GRIN2D: variants seen among roughly 807,000 people sequenced by gnomAD.
GRIN2D encodes the protein glutamate receptor ionotropic, NMDA 2D.
In GRIN2D, 37 loss-of-function variants were observed where a neutral mutation model predicts 103.2. The ratio of observed to expected loss-of-function variants is 0.36; its 90% CI spans 0.28 to 0.47. GRIN2D has a LOEUF of 0.47. GRIN2D is among the 20% of genes least tolerant of loss of function. The probability of loss-of-function intolerance (pLI) is 1.00; values close to 1 mark genes in which losing one functional copy is unlikely to be tolerated. For synonymous variants in GRIN2D, 845 were observed against 885.6 expected (o/e 0.95, Z 0.81); for missense variants, 1,557 against 1,910.6 (o/e 0.81, Z 3.45).
chr19:48,431,492 T>G (rs904443532), intron 11 of GRIN2D, among the ~76,000 whole-genome samples: 1 of 152,200 alleles, frequency 6.6e-6, no homozygotes, highest in African/African-American at 2.4e-5. Context: ...CCAAGATCAT[T>G]CTGATTCCTA....
chr19:48,425,634 A>G (rs1438035248), intron 11 of GRIN2D, among the ~76,000 whole-genome samples: 1 of 152,146 alleles, frequency 6.6e-6, no homozygotes, highest in Non-Finnish European at 1.5e-5. Context: ...ATCTCTCAAA[A>G]TGAACCTAAA....
intron 3 of GRIN2D, 134 bp from the exon 4 acceptor site, chr19:48,404,600 A>AG (rs1970759521): frequency 6.2e-6 from 5 of 804,888 alleles, no homozygotes; most frequent in Non-Finnish European, 9.6e-6. Flanking sequence ...CCTGTGCCCC[A>AG]GGAGGAAAAG....
Position 48,438,287 on chromosome 19 carries a change from C to CTTTTTTTTTTTTTTTTTT in GRIN2D, c.2253-3470_2253-3453dup, listed in dbSNP as rs71181697. On this transcript the variant is annotated intron_variant, in intron 11 of 13. Transcript: ENST00000263269. The stretch of plus-strand genomic sequence containing the variant: ...TCTCTTCAACTCAGCATCCAGCCGC[C>CTTTTTTTTTTTTTTTTTT]TTTTTTTTTTTTTTTTTTTTTTTTT... Among the ~76,000 whole-genome samples, 13 of 57,754 alleles carry CTTTTTTTTTTTTTTTTTT rather than the reference C, an allele frequency of 2.3e-4. 2 individuals carry two copies. The highest frequency in any genetic ancestry group is 5.3e-4 in the African/African-American group (7 of 13,224). The allele number at this position is 57,754 out of a possible 152,430, so 37.9% of individuals were successfully genotyped here.
chr19:48,414,732 T>A lies in GRIN2D; in HGVS notation c.1413-132T>A, dbSNP rs536737699. 6.2e-6 allele frequency: 8 copies of A among 1,280,896 alleles called. No individual in the cohort carries two copies. The South Asian group carries it at 7.0e-5, about 11-fold the overall frequency. 79.3% of individuals were successfully genotyped at this position (1,280,896 alleles called of 1,614,324 possible). On this transcript the variant is annotated intron_variant, in intron 6 of 13. Coordinates refer to ENST00000263269, the MANE Select transcript of GRIN2D (RefSeq NM_000836.4). The surrounding 1 kb of genome is among the most constrained non-coding windows in gnomAD (Gnocchi z 4.6). ...ACCTTAGGCAAACCTCAGAATTCTT[T>A]GAGCCTGAGTTTCCCCTGAAAGCGC... is the stretch of plus-strand genomic sequence containing the variant.
At chr19:48,420,758 G>A (rs1030131373) in intron 10 of GRIN2D, among the ~76,000 whole-genome samples, 3 of 152,066 alleles carry the variant, frequency 2.0e-5, no homozygotes, top group African/African-American at 7.2e-5. Context: ...CCCGGGAGGC[G>A]GAGGTTACAG....
Position 48,414,995 on chromosome 19 carries a change from A to G in GRIN2D, c.1544A>G (p.Lys515Arg), listed in dbSNP as rs1296304563. The change falls in exon 7 of 14, where the codon AAG becomes AGG. Residue 515 changes from lysine to arginine, a missense_variant. By Grantham distance (26) the Lys-to-Arg change is conservative. Coordinates refer to ENST00000263269, the MANE Select transcript of GRIN2D (RefSeq NM_000836.4). The surrounding 1 kb of genome is among the most constrained non-coding windows in gnomAD (Gnocchi z 4.6). ...CTGGTCACCAATGGCAAGCACGGAA[A>G]GAAGATCGATGGCGTCTGGAACGGC... ...LYLVTNGKHG[K>R]KIDGVWNGMI... is the part of the protein sequence containing the mutation. 1.2e-6 allele frequency: 2 copies of G among 1,607,502 alleles called. No individual in the cohort carries two copies. The highest frequency in any genetic ancestry group is 1.7e-6 in the Non-Finnish European group (2 of 1,175,478).
chr19:48,402,150 A>T (rs1030371415), intron 3 of GRIN2D, among the ~76,000 whole-genome samples: 1 of 139,270 alleles, frequency 7.2e-6, no homozygotes, highest in Non-Finnish European at 1.6e-5. Flanking sequence ...GAAAGAAAGA[A>T]AGAAAGAAAG....
chr19:48,397,989 T>G (rs780013356), intron 2 of GRIN2D, among the ~76,000 whole-genome samples: 8 of 151,604 alleles, frequency 5.3e-5, no homozygotes, highest in Non-Finnish European at 1.0e-4. Context: ...CTTCCTCTGG[T>G]GTTTCTTCCC....
intron 8 of GRIN2D, among the ~76,000 whole-genome samples, chr19:48,418,543 T>C (rs1179275637): frequency 1.3e-5 from 2 of 151,192 alleles, no homozygotes; most frequent in Non-Finnish European, 3.0e-5. Flanking sequence ...GGGGAAATGG[T>C]TGGTGGGAGG....
At chr19:48,419,462 G>A (rs948713227) in intron 9 of GRIN2D, 103 bp downstream of exon 9, 2 of 1,452,288 alleles carry the variant, frequency 1.4e-6, no homozygotes, top group Non-Finnish European at 1.9e-6. Flanking sequence ...TCAAGCTAGG[G>A]CCTCTCGGGA....
intron 11 of GRIN2D, among the ~76,000 whole-genome samples, chr19:48,424,801 A>G (rs1469510819): frequency 1.3e-5 from 2 of 152,122 alleles, no homozygotes; most frequent in Non-Finnish European, 2.9e-5. Context: ...CCAGGTCGAC[A>G]TCACCCAAAT....
At position 48,432,131 on chromosome 19, in the gene GRIN2D, C is replaced by T. The variant is rs1164287531; in HGVS notation, c.2253-9638C>T. Among the ~76,000 whole-genome samples the T allele has an allele frequency of 3.4e-5, 5 of 145,902 alleles. No homozygotes were observed. The South Asian group carries it at 1.1e-3, about 33-fold the overall frequency. ...TTCACCGTGTTGGCCAGGATGGTCT[C>T]GATCTCCTGACCTTGTGATCCGCCT... On this transcript the variant is annotated intron_variant, in intron 11 of 13. Coordinates refer to ENST00000263269, the MANE Select transcript of GRIN2D (RefSeq NM_000836.4).
At chr19:48,409,758 G>C (rs1429120685) in intron 4 of GRIN2D, among the ~76,000 whole-genome samples, 2 of 152,032 alleles carry the variant, frequency 1.3e-5, no homozygotes, top group East Asian at 1.9e-4. Flanking sequence ...TTTAGGCCAG[G>C]GGGCAGGGGT....
chr19:48,415,498 A>C (rs1389719207), intron 7 of GRIN2D, among the ~76,000 whole-genome samples: 2 of 84,420 alleles, frequency 2.4e-5, no homozygotes, highest in Admixed American at 2.9e-4. Flanking sequence ...GGGCGGGGTC[A>C]GGAGGTGTCA....
At chr19:48,428,441 A>G (rs1971116186) in intron 11 of GRIN2D, among the ~76,000 whole-genome samples, 1 of 147,406 alleles carries the variant, frequency 6.8e-6, no homozygotes, top group Non-Finnish European at 1.5e-5. Context: ...GCTCACTGCA[A>G]CCTCCACCTC....
rs10632608 is a variant in GRIN2D, at chr19:48,421,427, T to TA, written c.2092-346dup. Among the ~76,000 whole-genome samples the TA allele has an allele frequency of 0.63, 93,109 of 147,196 alleles. 30,929 individuals carry two copies. Among genetic ancestry groups the TA allele is most frequent in the African/African-American group, 0.86 (34,189 of 39,932 alleles). ...TGGGCAACAAGAGCAAGACTCCGTT[T>TA]AAAAAAAAAAAAGTGAACTATTTCT... On this transcript the variant is annotated intron_variant, in intron 10 of 13. Coordinates refer to ENST00000263269, the MANE Select transcript of GRIN2D (RefSeq NM_000836.4). This position sits in a 1 kb window ranked among gnomAD's most constrained non-coding sequence, Gnocchi z 4.8.
intron 11 of GRIN2D, among the ~76,000 whole-genome samples, chr19:48,423,714 G>A (rs1600984760): frequency 6.6e-6 from 1 of 152,230 alleles, no homozygotes; most frequent in East Asian, 1.9e-4. Flanking sequence ...GATGAGGGGA[G>A]GATTCTGGGC....
chr19:48,443,358 C>T lies in GRIN2D; in HGVS notation c.3432C>T (p.Arg1144=), dbSNP rs1213564237. ...ACTTCCCTTACCCGTATGCCGAGCGCCTCGGGCCGCCGCCCGGCCGCTACT... is the reference window on the plus strand; with the variant it reads ...ACTTCCCTTACCCGTATGCCGAGCGTCTCGGGCCGCCGCCCGGCCGCTACT... ...FADFPYPYAE[R]LGPPPGRYWS... The change falls in exon 14 of 14, where the codon CGC becomes CGT. Residue 1144 remains arginine, a synonymous_variant. Coordinates refer to ENST00000263269, the MANE Select transcript of GRIN2D (RefSeq NM_000836.4). The surrounding 1 kb of genome is among the most constrained non-coding windows in gnomAD (Gnocchi z 8.9). 27 of 1,505,192 alleles carry T rather than the reference C, an allele frequency of 1.8e-5. No individual in the cohort carries two copies. The highest frequency in any genetic ancestry group is 2.2e-5 in the Non-Finnish European group (25 of 1,135,952). The allele number at this position is 1,505,192 out of a possible 1,614,324, so 93.2% of individuals were successfully genotyped here. A position where few individuals can be genotyped will look rare whatever the true frequency, so the allele number is the denominator to read the frequency against.
chr19:48,429,695 G>A (rs568585595), intron 11 of GRIN2D, among the ~76,000 whole-genome samples: 2 of 151,136 alleles, frequency 1.3e-5, no homozygotes, highest in East Asian at 1.9e-4. Flanking sequence ...CACCGGGCCC[G>A]GCCTAATTTT....
Sources: gnomAD v4.1 joint callset for allele counts (sites outside exome capture counted in the v4.1 genomes callset) on GRCh38, gnomAD v4.1.1 for gene constraint, Gnocchi (gnomAD v3.1) non-coding constraint, MANE v1.5 for transcripts, NCBI Gene and HGNC (gene_info 2026-07-23, HGNC 2026-07-21) for gene names.